The following FIGN variants were observed in gnomAD, a reference collection of about 807,000 sequenced individuals.
FIGN encodes fidgetin.
A neutral mutation model predicts 51.3 loss-of-function variants in FIGN; 11 were observed. That is an observed-to-expected ratio of 0.21 (90% CI 0.13 to 0.35). The LOEUF is 0.35. FIGN is among the 10% of genes least tolerant of loss of function. The pLI is 1.00. For missense variants in FIGN, 857 were observed against 943.6 expected (o/e 0.91, Z 1.20); for synonymous variants, 407 against 363.2 (o/e 1.12, Z -1.37).
intron 2 of FIGN, among the ~76,000 whole-genome samples, chr2:163,673,708 T>C (rs956139977): frequency 6.6e-6 from 1 of 152,052 alleles, no homozygotes; most frequent in African/African-American, 2.4e-5. Flanking sequence ...TCTGTTTTGT[T>C]CTTCAGTGTA....
intron 2 of FIGN, among the ~76,000 whole-genome samples, chr2:163,679,171 G>A (rs2105337975): frequency 6.6e-6 from 1 of 152,182 alleles, no homozygotes; most frequent in African/African-American, 2.4e-5. Flanking sequence ...GGCTCTTAAA[G>A]TCTGGGAGTT....
At chr2:163,612,596 AAC>A (rs1682772769) in intron 2 of FIGN, 36 of 984,676 alleles carry the variant, frequency 3.7e-5, no homozygotes, top group Non-Finnish European at 4.0e-5. Flanking sequence ...TGAAAAAAAA[AAC>A]AAGCATCACT....
Position 163,700,489 on chromosome 2 carries a change from G to A in FIGN, c.25+34414C>T, listed in dbSNP as rs544849497. On this transcript the variant is annotated intron_variant, in intron 2 of 2. Coordinates refer to ENST00000333129, the MANE Select transcript of FIGN (RefSeq NM_018086.4). ...CGACAGTGAGAACTCAGAAGGGTCTGGAAGCTCTAGTTTCAGAACACATCA... is the reference window on the plus strand; with the variant it reads ...CGACAGTGAGAACTCAGAAGGGTCTAGAAGCTCTAGTTTCAGAACACATCA... Among the ~76,000 whole-genome samples, 48 of 152,216 alleles carry A rather than the reference G, an allele frequency of 3.2e-4. 1 individual carries two copies. The South Asian group carries it at 4.3e-3, about 14-fold the overall frequency.
intron 2 of FIGN, among the ~76,000 whole-genome samples, chr2:163,687,616 G>C (rs1389934767): frequency 6.6e-6 from 1 of 152,190 alleles, no homozygotes; most frequent in Non-Finnish European, 1.5e-5. Flanking sequence ...TTTAGTCACA[G>C]AGGCAATTAG....
chr2:163,628,176 G>T (rs1021775117), intron 2 of FIGN, among the ~76,000 whole-genome samples: 1 of 152,102 alleles, frequency 6.6e-6, no homozygotes, highest in African/African-American at 2.4e-5. Context: ...GGCTCTGATG[G>T]ACTTTGCAAT....
At chr2:163,704,792 C>T (rs1168268950) in intron 2 of FIGN, among the ~76,000 whole-genome samples, 1 of 151,936 alleles carries the variant, frequency 6.6e-6, no homozygotes, top group Non-Finnish European at 1.5e-5. Context: ...TTCAAATACT[C>T]TGACAGGAAA....
At position 163,602,851 on chromosome 2, in the gene FIGN, G is replaced by A. The variant is rs1443733879; in HGVS notation, c.*6701C>T. On this transcript the variant is annotated 3_prime_UTR_variant, in exon 3 of 3. Transcript: ENST00000333129. The stretch of plus-strand genomic sequence containing the variant: ...AAAGGAATATTCAGTAGGGACAGTT[G>A]TTACAATACTGAGCACTGAATTTTT... The A allele has an allele frequency of 1.3e-5, 2 of 151,924 alleles. No homozygotes were observed. The highest frequency in any genetic ancestry group is 3.9e-4 in the East Asian group (2 of 5,182). 9.4% of individuals were successfully genotyped at this position (151,924 alleles called of 1,614,324 possible). A position where few individuals can be genotyped will look rare whatever the true frequency, so the allele number is the denominator to read the frequency against.
intron 2 of FIGN, among the ~76,000 whole-genome samples, chr2:163,648,867 A>G (rs1683425510): frequency 6.6e-6 from 1 of 152,228 alleles, no homozygotes; most frequent in Non-Finnish European, 1.5e-5. Flanking sequence ...GGATGTAAGA[A>G]GACGAATTTC....
chr2:163,693,732 C>T (rs1684272928), intron 2 of FIGN, among the ~76,000 whole-genome samples: 2 of 152,294 alleles, frequency 1.3e-5, no homozygotes, highest in South Asian at 4.2e-4. Flanking sequence ...CATATTACTT[C>T]ATAACTGGGA....
chr2:163,676,901 A>G (rs887769031), intron 2 of FIGN, among the ~76,000 whole-genome samples: 4 of 152,198 alleles, frequency 2.6e-5, no homozygotes, highest in African/African-American at 9.7e-5. Flanking sequence ...AGCACTCAAA[A>G]TATGTATGCA....
intron 2 of FIGN, among the ~76,000 whole-genome samples, chr2:163,704,078 C>A (rs1300892745): frequency 6.6e-6 from 1 of 151,956 alleles, no homozygotes; most frequent in Non-Finnish European, 1.5e-5. Context: ...GCAGAGTTTT[C>A]CTAAATTAGA....
At chr2:163,634,069 C>A (rs938846452) in intron 2 of FIGN, among the ~76,000 whole-genome samples, 13 of 146,138 alleles carry the variant, frequency 8.9e-5, no homozygotes, top group African/African-American at 3.0e-4. Flanking sequence ...CATTCCAATT[C>A]TTTTCTGTAC....
intron 2 of FIGN, among the ~76,000 whole-genome samples, chr2:163,623,026 CA>C (rs1682998998): frequency 6.6e-6 from 1 of 152,088 alleles, no homozygotes; most frequent in South Asian, 2.1e-4. Context: ...CACGAAAACC[CA>C]ACTCTGTCTA....
intron 2 of FIGN, among the ~76,000 whole-genome samples, chr2:163,629,709 G>A (rs1683114354): frequency 6.6e-6 from 1 of 152,084 alleles, no homozygotes; most frequent in African/African-American, 2.4e-5. Context: ...ATGAATAGTT[G>A]TGGCAGAGAC....
chr2:163,703,480 G>A (rs1684441697), intron 2 of FIGN, among the ~76,000 whole-genome samples: 2 of 152,172 alleles, frequency 1.3e-5, no homozygotes, highest in Admixed American at 6.6e-5. Flanking sequence ...ATTTTAAAAC[G>A]AAAACCAGTT....
intron 1 of FIGN, 121 bp downstream of exon 1, chr2:163,735,717 A>C (rs1456724175): frequency 1.3e-5 from 2 of 152,344 alleles, no homozygotes; most frequent in Non-Finnish European, 2.9e-5. Context: ...AATTGAATTT[A>C]ATGTTTACGG....
chr2:163,631,658 A>C (rs574703463), intron 2 of FIGN, among the ~76,000 whole-genome samples: 1 of 151,794 alleles, frequency 6.6e-6, no homozygotes, highest in South Asian at 2.1e-4. Flanking sequence ...GTTTTTATGT[A>C]TTTTTACACT....
At chr2:163,698,424 A>G (rs988698094) in intron 2 of FIGN, among the ~76,000 whole-genome samples, 11 of 151,814 alleles carry the variant, frequency 7.2e-5, no homozygotes, top group South Asian at 2.1e-4. Flanking sequence ...TAGTCTCCCA[A>G]TGCTACACTT....
At chr2:163,658,300 TC>T (rs996811976) in intron 2 of FIGN, among the ~76,000 whole-genome samples, 7 of 150,848 alleles carry the variant, frequency 4.6e-5, no homozygotes, top group African/African-American at 1.5e-4. Flanking sequence ...ACATCTGGCC[TC>T]CGGGGCACAT....
Sources: gnomAD v4.1 joint callset for allele counts (sites outside exome capture counted in the v4.1 genomes callset) on GRCh38, gnomAD v4.1.1 for gene constraint, MANE v1.5 for transcripts, NCBI Gene and HGNC (gene_info 2026-07-23, HGNC 2026-07-21) for gene names.